The following GPC5 variants were observed in gnomAD, a reference collection of about 807,000 sequenced individuals.
GPC5 encodes the protein glypican-5.
In GPC5, 47 loss-of-function variants were observed where a neutral mutation model predicts 53.9. The ratio of observed to expected loss-of-function variants is 0.87; its 90% CI spans 0.69 to 1.11. GPC5 has a LOEUF of 1.11. Ranked by LOEUF, GPC5 falls within the 50% of genes most tolerant of loss-of-function variation. GPC5 has a pLI of 0.00. For synonymous variants in GPC5, 286 were observed against 263.3 expected, an observed-to-expected ratio of 1.09 and a Z score of -0.84; for missense variants, 748 against 713.1, an observed-to-expected ratio of 1.05 and a Z score of -0.56.
rs554339712 is a variant in GPC5, at chr13:92,042,234, G to A, written c.1402-102596G>A. On this transcript the variant is annotated intron_variant, in intron 6 of 7. Coordinates refer to ENST00000377067, the MANE Select transcript of GPC5 (RefSeq NM_004466.6). Reference sequence around the variant, plus strand: ...CGTGGAACTTAACAACCACATATAGGTTTTTGGCTACAAGCTGGACTTCTC... The same window carrying A: ...CGTGGAACTTAACAACCACATATAGATTTTTGGCTACAAGCTGGACTTCTC... Among the ~76,000 whole-genome samples, 16 of 152,226 alleles carry A rather than the reference G, an allele frequency of 1.1e-4. No homozygotes were observed. In the South Asian group the frequency reaches 3.1e-3, roughly 30 times the overall value.
At chr13:91,946,040 C>A (rs1243976120) in intron 6 of GPC5, among the ~76,000 whole-genome samples, 1 of 152,120 alleles carries the variant, frequency 6.6e-6, no homozygotes, top group African/African-American at 2.4e-5. Context: ...GGGGCTTCTA[C>A]TTCTGGGTTC....
In GPC5 at chr13:91,910,790, C is replaced by A. The variant is rs2039602775; in HGVS notation, c.1401+2733C>A. 2.0e-5 allele frequency among the ~76,000 whole-genome samples: 3 copies of A among 152,112 alleles called. No individual in the cohort carries two copies. The South Asian group carries it at 6.2e-4, about 32-fold the overall frequency. On this transcript the variant is annotated intron_variant, in intron 6 of 7. Coordinates refer to ENST00000377067, the MANE Select transcript of GPC5 (RefSeq NM_004466.6). ...TTGAGTTTCTAGTATGATCCTGGTT[C>A]TGTACAGGCACTGAGGTTAAAGTTG...
intron 2 of GPC5, among the ~76,000 whole-genome samples, chr13:91,657,147 G>A (rs1276838857): frequency 6.6e-6 from 1 of 152,176 alleles, no homozygotes; most frequent in African/African-American, 2.4e-5. Context: ...ATACTGGCAG[G>A]AGAAAGAAGA....
chr13:92,534,135 A>T (rs1431613345), intron 7 of GPC5, among the ~76,000 whole-genome samples: 5 of 152,042 alleles, frequency 3.3e-5, no homozygotes, highest in Admixed American at 6.6e-5. Flanking sequence ...AAAAAGTTTT[A>T]AAAAAATAGC....
chr13:91,889,170 A>G (rs933062491), intron 5 of GPC5, among the ~76,000 whole-genome samples: 2 of 152,144 alleles, frequency 1.3e-5, no homozygotes, highest in Non-Finnish European at 2.9e-5. Context: ...GATACTTTGT[A>G]CCTGGCCCCT....
chr13:92,057,841 G>T (rs1430001672), intron 6 of GPC5, among the ~76,000 whole-genome samples: 1 of 151,894 alleles, frequency 6.6e-6, no homozygotes, highest in East Asian at 1.9e-4. Flanking sequence ...AACAAATTTT[G>T]TACTCTTTAT....
chr13:91,487,186 A>G (rs1193435955), intron 2 of GPC5, among the ~76,000 whole-genome samples: 1 of 151,994 alleles, frequency 6.6e-6, no homozygotes, highest in East Asian at 1.9e-4. Flanking sequence ...AGGGGTGGAG[A>G]TGGGGGGAAG....
At chr13:92,713,145 A>G (rs1038985096) in intron 7 of GPC5, among the ~76,000 whole-genome samples, 4 of 152,186 alleles carry the variant, frequency 2.6e-5, no homozygotes, top group Non-Finnish European at 5.9e-5. Context: ...GTGAAGAAAA[A>G]GGGAGAAGAC....
At chr13:92,805,393 T>C (rs773138487) in intron 7 of GPC5, among the ~76,000 whole-genome samples, 3 of 152,028 alleles carry the variant, frequency 2.0e-5, no homozygotes, top group Admixed American at 6.6e-5. Context: ...CAGAGCTCTT[T>C]GGTGACTAGG....
intron 2 of GPC5, among the ~76,000 whole-genome samples, chr13:91,453,538 A>G (rs1881332978): frequency 6.6e-6 from 1 of 151,930 alleles, no homozygotes; most frequent in Non-Finnish European, 1.5e-5. Flanking sequence ...CTATATTTAA[A>G]ATTTTTCCTA....
At chr13:91,804,033 G>T (rs1180625924) in intron 5 of GPC5, among the ~76,000 whole-genome samples, 1 of 151,010 alleles carries the variant, frequency 6.6e-6, no homozygotes, top group East Asian at 1.9e-4. Context: ...GAGACATGGA[G>T]AAAAGGAGAC....
intron 7 of GPC5, among the ~76,000 whole-genome samples, chr13:92,831,656 T>C (rs1272357674): frequency 6.6e-6 from 1 of 152,150 alleles, no homozygotes; most frequent in Non-Finnish European, 1.5e-5. Context: ...AAGAACATAT[T>C]GATTCCATGT....
intron 7 of GPC5, among the ~76,000 whole-genome samples, chr13:92,525,437 A>T (rs1259076185): frequency 7.3e-6 from 1 of 136,584 alleles, no homozygotes; most frequent in Non-Finnish European, 1.6e-5. Flanking sequence ...GATAGATTCA[A>T]GTGTGTGTGT....
At chr13:91,624,306 T>C (rs2033942867) in intron 2 of GPC5, among the ~76,000 whole-genome samples, 1 of 152,114 alleles carries the variant, frequency 6.6e-6, no homozygotes, top group African/African-American at 2.4e-5. Flanking sequence ...CTTACCAACA[T>C]GTAGAGAGAC....
intron 5 of GPC5, among the ~76,000 whole-genome samples, chr13:91,807,714 C>T (rs975925196): frequency 1.3e-5 from 2 of 152,152 alleles, no homozygotes; most frequent in East Asian, 1.9e-4. Flanking sequence ...TCTTGACAAA[C>T]GAATTGATCG....
intron 6 of GPC5, among the ~76,000 whole-genome samples, chr13:92,106,534 A>T (rs1303718450): frequency 1.3e-5 from 2 of 152,088 alleles, no homozygotes; most frequent in Non-Finnish European, 2.9e-5. Context: ...AATCATAAAA[A>T]TTGTCTTAGA....
At chr13:91,650,795 T>A (rs530680516) in intron 2 of GPC5, among the ~76,000 whole-genome samples, 1 of 142,934 alleles carries the variant, frequency 7.0e-6, no homozygotes, top group East Asian at 2.0e-4. Context: ...TAAAAACCAT[T>A]TGTTCTCAAC....
At chr13:92,536,893 T>C (rs1231911133) in intron 7 of GPC5, among the ~76,000 whole-genome samples, 3 of 152,116 alleles carry the variant, frequency 2.0e-5, no homozygotes, top group East Asian at 3.9e-4. Context: ...TGCAGGCTTA[T>C]TAGTGTATAT....
At chr13:91,571,841 GTGTGTATATACA>G (rs2031832769) in intron 2 of GPC5, among the ~76,000 whole-genome samples, 1 of 93,290 alleles carries the variant, frequency 1.1e-5, no homozygotes, top group Non-Finnish European at 1.9e-5. Context: ...ACATATACTT[GTGTGTATATACA>G]CATATACGTG....
Sources: gnomAD v4.1 joint callset for allele counts (sites outside exome capture counted in the v4.1 genomes callset) on GRCh38, gnomAD v4.1.1 for gene constraint, MANE v1.5 for transcripts, NCBI Gene and HGNC (gene_info 2026-07-23, HGNC 2026-07-21) for gene names.